The following NOX3 variants were observed in gnomAD, a reference collection of about 807,000 sequenced individuals.
NOX3 encodes NADPH oxidase catalytic subunit-like 3.
In NOX3, 74 loss-of-function variants were observed where a neutral mutation model predicts 76.7. The ratio of observed to expected loss-of-function variants is 0.96; its 90% confidence interval spans 0.80 to 1.17. The LOEUF (loss-of-function observed/expected upper bound fraction) is 1.17, where lower values mean the gene tolerates loss of function less well. NOX3 is among the 50% of genes most tolerant of loss of function. NOX3 has a pLI of 0.00. For missense variants in NOX3, 695 were observed against 703.3 expected (o/e 0.99, Z 0.13); for synonymous variants, 263 against 261.1 (o/e 1.01, Z -0.07).
At chr6:155,431,962 T>C (rs1307411053) in intron 7 of NOX3, among the ~76,000 whole-genome samples, 1 of 152,214 alleles carries the variant, frequency 6.6e-6, no homozygotes, top group African/African-American at 2.4e-5. Flanking sequence ...AAATTGATAC[T>C]GAGGCTTGTT....
rs529056898 is a variant in NOX3 at position 155,401,831 on chromosome 6, G to A, written c.1581-4869C>T. Among the ~76,000 whole-genome samples, 205 of 150,102 alleles carry A rather than the reference G, an allele frequency of 1.4e-3. 1 individual carries two copies. The highest frequency in any genetic ancestry group is 4.6e-3 in the African/African-American group (190 of 40,976). On this transcript the variant is annotated intron_variant, in intron 12 of 13. Coordinates refer to ENST00000159060, the MANE Select transcript of NOX3 (RefSeq NM_015718.3). ...AATGACCAAACTTTAAAGTTTTTAT[G>A]GTAATTAATTACATCAAATTTACAC...
At chr6:155,399,822 C>T (rs1297294963) in intron 12 of NOX3, among the ~76,000 whole-genome samples, 1 of 151,746 alleles carries the variant, frequency 6.6e-6, no homozygotes, top group Admixed American at 6.6e-5. Context: ...AATTTAATTA[C>T]CCACAATCGC....
At chr6:155,409,255 T>C (rs1037278616) in intron 11 of NOX3, among the ~76,000 whole-genome samples, 17 of 151,904 alleles carry the variant, frequency 1.1e-4, no homozygotes, top group Non-Finnish European at 2.2e-4. Context: ...ACGCCAGGTG[T>C]GGGGAGAGAA....
intron 10 of NOX3, among the ~76,000 whole-genome samples, chr6:155,422,237 C>T (rs758705567): frequency 6.6e-6 from 1 of 152,134 alleles, no homozygotes; most frequent in Admixed American, 6.5e-5. Context: ...AGATTCAGAG[C>T]GGGATGGCCA....
At chr6:155,401,355 T>G (rs10484602) in intron 12 of NOX3, among the ~76,000 whole-genome samples, 3,576 of 152,316 alleles carry the variant, frequency 0.023, 88 homozygotes, top group African/African-American at 0.06. Context: ...AAGCTGTAAC[T>G]TATCATGTGT....
chr6:155,451,587 A>G (rs938815295), intron 4 of NOX3, among the ~76,000 whole-genome samples: 3 of 152,146 alleles, frequency 2.0e-5, no homozygotes, highest in Admixed American at 1.3e-4. Flanking sequence ...AAACTATTTC[A>G]TAACACATTT....
chr6:155,423,887 C>T lies in NOX3; in HGVS notation c.1146-1031G>A, dbSNP rs148184177. On this transcript the variant is annotated intron_variant, in intron 9 of 13. Coordinates refer to ENST00000159060, the MANE Select transcript of NOX3 (RefSeq NM_015718.3). ...TCCCAAGTAGCTGGGACTGTAGGCACGTGCCACCACGCCCAGCTAATTTTT... is the reference window on the plus strand; with the variant it reads ...TCCCAAGTAGCTGGGACTGTAGGCATGTGCCACCACGCCCAGCTAATTTTT... 4.4e-3 allele frequency among the ~76,000 whole-genome samples: 667 copies of T among 152,060 alleles called. 8 individuals are homozygous for T. The highest frequency in any genetic ancestry group is 0.024 in the Middle Eastern group (7 of 292).
At chr6:155,411,738 T>G (rs1195242343) in intron 10 of NOX3, among the ~76,000 whole-genome samples, 3 of 152,220 alleles carry the variant, frequency 2.0e-5, no homozygotes, top group African/African-American at 7.2e-5. Flanking sequence ...TCATCTTTAC[T>G]TATGACCTAA....
At chr6:155,448,673 A>G (rs1777095941) in intron 4 of NOX3, among the ~76,000 whole-genome samples, 1 of 150,038 alleles carries the variant, frequency 6.7e-6, no homozygotes, top group Admixed American at 6.6e-5. Context: ...CATAAAGGCT[A>G]CTATTAGAGC....
chr6:155,408,213 C>T (rs1272266779), intron 11 of NOX3, among the ~76,000 whole-genome samples: 1 of 152,156 alleles, frequency 6.6e-6, no homozygotes, highest in African/African-American at 2.4e-5. Flanking sequence ...GTCTCGATCT[C>T]CTGACCTCAT....
At chr6:155,406,744 G>A (rs1776466699) in intron 12 of NOX3, among the ~76,000 whole-genome samples, 1 of 152,174 alleles carries the variant, frequency 6.6e-6, no homozygotes, top group Non-Finnish European at 1.5e-5. Context: ...CGAAATCCCT[G>A]CTTTGTCTTC....
intron 8 of NOX3, 147 bp from the exon 9 acceptor site, chr6:155,429,194 G>T: frequency 1.4e-6 from 1 of 722,708 alleles, no homozygotes; most frequent in East Asian, 2.9e-5. Context: ...CCAAAGATAT[G>T]TGCCATCGCT....
chr6:155,436,390 T>C (rs770352228), intron 7 of NOX3, 28 bp downstream of exon 7: 1 of 1,613,622 alleles, frequency 6.2e-7, no homozygotes, highest in Admixed American at 1.7e-5. Flanking sequence ...TGACATTTAT[T>C]TTTAAAAGCT....
chr6:155,453,354 G>A, intron 4 of NOX3, 50 bp downstream of exon 4: 5 of 1,366,792 alleles, frequency 3.7e-6, no homozygotes, highest in South Asian at 2.3e-5. Context: ...AAACTATGAA[G>A]TTAGGCATCA....
chr6:155,412,840 C>T (rs1459233195), intron 10 of NOX3, among the ~76,000 whole-genome samples: 1 of 152,118 alleles, frequency 6.6e-6, no homozygotes, highest in Non-Finnish European at 1.5e-5. Context: ...TACAAGTGAA[C>T]AAGACAGGGC....
At chr6:155,399,187 C>G (rs1261054713) in intron 12 of NOX3, among the ~76,000 whole-genome samples, 1 of 152,146 alleles carries the variant, frequency 6.6e-6, no homozygotes, top group Non-Finnish European at 1.5e-5. Flanking sequence ...TTCAAAGATG[C>G]TGTTATGGGT....
rs1329554670 is a variant in NOX3, at chr6:155,432,080, A to G, written c.799-1145T>C. On this transcript the variant is annotated intron_variant, in intron 7 of 13. Coordinates refer to ENST00000159060, the MANE Select transcript of NOX3 (RefSeq NM_015718.3). ...CTTTTTAAAATTTTTATTGTTTTCAATAGACAAATAATAATTGTATATATT... is the reference window on the plus strand; with the variant it reads ...CTTTTTAAAATTTTTATTGTTTTCAGTAGACAAATAATAATTGTATATATT... Among the ~76,000 whole-genome samples the G allele has an allele frequency of 4.6e-5, 7 of 152,238 alleles. No homozygotes were observed. The East Asian group carries it at 7.7e-4, about 17-fold the overall frequency.
In NOX3 at chr6:155,443,315, G is replaced by A. The variant is rs576671661; in HGVS notation, c.444C>T (p.Thr148=). The A allele has an allele frequency of 1.9e-6, 3 of 1,614,098 alleles. No individual in the cohort carries two copies. Among genetic ancestry groups the A allele is most frequent in the African/African-American group, 1.3e-5 (1 of 75,030 alleles). The change falls in exon 5 of 14, where the codon ACC becomes ACT. Residue 148 remains threonine (T), a synonymous_variant. Coordinates refer to ENST00000159060, the MANE Select transcript of NOX3 (RefSeq NM_015718.3). ...LLAALSKLGN[T]PNESYLNPVR... ...CAGGGTTGAGGTAGCTCTCGTTAGG[G>A]GTGTTGCCCAGCTTGGAAAGTGCGG...
chr6:155,410,738 C>A (rs1776532660), intron 11 of NOX3, among the ~76,000 whole-genome samples: 1 of 152,164 alleles, frequency 6.6e-6, no homozygotes, highest in African/African-American at 2.4e-5. Context: ...CTGGACAAAT[C>A]ATGTATTCAT....
Sources: gnomAD v4.1 joint callset for allele counts (sites outside exome capture counted in the v4.1 genomes callset) on GRCh38, gnomAD v4.1.1 for gene constraint, MANE v1.5 for transcripts, NCBI Gene and HGNC (gene_info 2026-07-23, HGNC 2026-07-21) for gene names.